The following DDAH1 variants were observed in gnomAD, a reference collection of about 807,000 sequenced individuals.
DDAH1 encodes dimethylarginine dimethylaminohydrolase 1.
Under a neutral mutation model 28.8 loss-of-function variants are expected in DDAH1, and 19 were observed. The ratio of observed to expected loss-of-function variants is 0.66; its 90% CI spans 0.46 to 0.97. The LOEUF (loss-of-function observed/expected upper bound fraction) is 0.97, where lower values mean the gene tolerates loss of function less well. Ranked by LOEUF, DDAH1 falls within the 50% of genes least tolerant of loss-of-function variation. The pLI, the probability that DDAH1 is intolerant of heterozygous loss-of-function variation, is 0.00. For missense variants in DDAH1, 326 were observed against 375.9 expected, an observed-to-expected ratio of 0.87 and a Z score of 1.10; for synonymous variants, 153 against 154.4, an observed-to-expected ratio of 0.99 and a Z score of 0.07.
intron 2 of DDAH1, among the ~76,000 whole-genome samples, chr1:85,472,997 T>C (rs919854953): frequency 1.3e-5 from 2 of 152,238 alleles, no homozygotes; most frequent in African/African-American, 2.4e-5. Context: ...GTTTCTGCTT[T>C]AATTCACTTA....
intron 2 of DDAH1, among the ~76,000 whole-genome samples, chr1:85,475,171 A>G (rs551196539): frequency 6.6e-6 from 1 of 152,320 alleles, no homozygotes; most frequent in Non-Finnish European, 1.5e-5. Context: ...TTAACTTCAC[A>G]TACAGAGCTT....
chr1:85,525,669 G>A (rs1490082700), intron 1 of DDAH1, among the ~76,000 whole-genome samples: 2 of 151,910 alleles, frequency 1.3e-5, no homozygotes, highest in Non-Finnish European at 2.9e-5. Context: ...GAGACTAGCA[G>A]GACACATAGC....
intron 1 of DDAH1, among the ~76,000 whole-genome samples, chr1:85,534,714 C>G (rs1658214095): frequency 1.3e-5 from 2 of 151,928 alleles, no homozygotes; most frequent in South Asian, 4.2e-4. Context: ...AGGCCACATA[C>G]ATAATTAAAA....
chr1:85,346,970 C>A (rs1177672685), intron 4 of DDAH1, among the ~76,000 whole-genome samples: 1 of 152,130 alleles, frequency 6.6e-6, no homozygotes, highest in Admixed American at 6.5e-5. Context: ...TGAACAGACA[C>A]TTCTCAAAAG....
intron 4 of DDAH1, among the ~76,000 whole-genome samples, chr1:85,332,899 GCCCA>G (rs1647864378): frequency 1.3e-5 from 2 of 152,130 alleles, no homozygotes; most frequent in Non-Finnish European, 2.9e-5. Context: ...GGACTGGGCT[GCCCA>G]GCCCATTGCA....
chr1:85,382,789 C>T (rs1209011108), intron 1 of DDAH1, among the ~76,000 whole-genome samples: 1 of 152,150 alleles, frequency 6.6e-6, no homozygotes, highest in Admixed American at 6.5e-5. Flanking sequence ...TCCTTGGGCT[C>T]TTAAGAATAA....
exon 1 of DDAH1, chr1:85,577,989 A>G: frequency 1.0e-6 from 1 of 985,430 alleles, no homozygotes; most frequent in Non-Finnish European, 1.2e-6. Context: ...CTTACCCATA[A>G]ACATTTGCAC....
At chr1:85,328,568 C>G (rs150273643) in intron 4 of DDAH1, among the ~76,000 whole-genome samples, 94 of 152,312 alleles carry the variant, frequency 6.2e-4, no homozygotes, top group African/African-American at 2.0e-3. Context: ...CCAGTCTGCT[C>G]ATGTTTGCAG....
chr1:85,540,520 G>A (rs1213018851), intron 1 of DDAH1, among the ~76,000 whole-genome samples: 5 of 152,098 alleles, frequency 3.3e-5, no homozygotes, highest in Admixed American at 6.6e-5. Context: ...CTAGGGTTAC[G>A]TATACGCTTT....
At chr1:85,564,381 T>G (rs1016527706) in intron 1 of DDAH1, among the ~76,000 whole-genome samples, 2 of 152,190 alleles carry the variant, frequency 1.3e-5, no homozygotes, top group Non-Finnish European at 1.5e-5. Context: ...AAACTTTGAA[T>G]GACCTAATAC....
chr1:85,496,719 C>T (rs1326042030), intron 1 of DDAH1, among the ~76,000 whole-genome samples: 3 of 152,098 alleles, frequency 2.0e-5, no homozygotes, highest in Admixed American at 6.5e-5. Context: ...ATCTTGTATC[C>T]TAGAACTGAA....
At chr1:85,322,581 C>G (rs1365470810) in intron 5 of DDAH1, among the ~76,000 whole-genome samples, 1 of 152,072 alleles carries the variant, frequency 6.6e-6, no homozygotes, top group Admixed American at 6.5e-5. Context: ...GGTCCCAAAC[C>G]CAGTTCTGTC....
chr1:85,547,336 A>T (rs1411006688), intron 1 of DDAH1, among the ~76,000 whole-genome samples: 1 of 152,180 alleles, frequency 6.6e-6, no homozygotes, highest in Non-Finnish European at 1.5e-5. Context: ...TAATTCAATC[A>T]TCCATTTTAC....
At chr1:85,556,678 T>C (rs71654710) in intron 1 of DDAH1, among the ~76,000 whole-genome samples, 4,082 of 152,334 alleles carry the variant, frequency 0.027, 72 homozygotes, top group Non-Finnish European at 0.04. Flanking sequence ...CTTTCAAGTT[T>C]CTTTCAGAGT....
chr1:85,473,269 C>T (rs1278256586), intron 2 of DDAH1, among the ~76,000 whole-genome samples: 1 of 151,896 alleles, frequency 6.6e-6, no homozygotes, highest in African/African-American at 2.4e-5. Flanking sequence ...ATGGTAGTTC[C>T]CCAAACTTTT....
chr1:85,547,938 C>G (rs1658675769), intron 1 of DDAH1, among the ~76,000 whole-genome samples: 1 of 152,170 alleles, frequency 6.6e-6, no homozygotes, highest in East Asian at 1.9e-4. Flanking sequence ...TAAAAATAGA[C>G]AGTCTATTTG....
chr1:85,427,289 A>G (rs983632972), intron 1 of DDAH1, among the ~76,000 whole-genome samples: 2 of 133,004 alleles, frequency 1.5e-5, no homozygotes, highest in Non-Finnish European at 3.3e-5. Context: ...AAAAAAAAAA[A>G]AGTGGGAGAC....
intron 1 of DDAH1, among the ~76,000 whole-genome samples, chr1:85,541,825 C>T (rs1185504690): frequency 2.0e-5 from 3 of 152,114 alleles, no homozygotes; most frequent in Non-Finnish European, 4.4e-5. Context: ...TCTTCAGCCA[C>T]GCAAGGACAA....
intron 3 of DDAH1, among the ~76,000 whole-genome samples, chr1:85,350,833 A>C (rs1649158494): frequency 6.6e-6 from 1 of 152,136 alleles, no homozygotes; most frequent in Non-Finnish European, 1.5e-5. Context: ...GCTCAGCTGG[A>C]GACTCACATC....
Sources: gnomAD v4.1 joint callset for allele counts (sites outside exome capture counted in the v4.1 genomes callset) on GRCh38, gnomAD v4.1.1 for gene constraint, MANE v1.5 for transcripts, NCBI Gene and HGNC (gene_info 2026-07-23, HGNC 2026-07-21) for gene names.